RAPGEF1: variants seen among roughly 807,000 people sequenced by gnomAD.
RAPGEF1 encodes the protein Rap guanine nucleotide exchange factor 1.
Under a neutral mutation model 143.3 loss-of-function variants are expected in RAPGEF1, and 33 were observed. That is an observed-to-expected ratio of 0.23 (90% CI 0.17 to 0.31). The LOEUF (loss-of-function observed/expected upper bound fraction) is 0.31, where lower values mean the gene tolerates loss of function less well. RAPGEF1 is among the 10% of genes least tolerant of loss of function. RAPGEF1 has a pLI of 1.00. For missense variants in RAPGEF1, 1,199 were observed against 1,645.4 expected, an observed-to-expected ratio of 0.73 and a Z score of 4.69; for synonymous variants, 629 against 676.5, an observed-to-expected ratio of 0.93 and a Z score of 1.09.
chr9:131,679,166 A>AG (rs145083536), intron 1 of RAPGEF1, among the ~76,000 whole-genome samples: 13,808 of 142,234 alleles, frequency 0.097, 741 homozygotes, highest in Middle Eastern at 0.27. Flanking sequence ...TTATGTGACA[A>AG]GGGGGGGGCC....
intron 1 of RAPGEF1, among the ~76,000 whole-genome samples, chr9:131,730,329 T>C (rs1836963956): frequency 6.6e-6 from 1 of 151,184 alleles, no homozygotes; most frequent in African/African-American, 2.4e-5. Flanking sequence ...CCATTAAAAA[T>C]CATCAACAAA....
intron 1 of RAPGEF1, among the ~76,000 whole-genome samples, chr9:131,671,545 G>C (rs76830267): frequency 0.086 from 13,115 of 152,318 alleles, 657 homozygotes; most frequent in Middle Eastern, 0.27. Context: ...CTGGAATGCA[G>C]GCTCTGCACT....
At chr9:131,679,979 G>A (rs778889551) in intron 1 of RAPGEF1, among the ~76,000 whole-genome samples, 21 of 152,328 alleles carry the variant, frequency 1.4e-4, no homozygotes, top group Non-Finnish European at 2.6e-4. Flanking sequence ...ACTCCAGGAG[G>A]CAAGAATCCT....
Position 131,650,811 on chromosome 9 carries a change from T to C in RAPGEF1, c.200A>G (p.Lys67Arg), listed in dbSNP as rs1970888932. 1 of 1,613,690 alleles carries C rather than the reference T, an allele frequency of 6.2e-7. No individual in the cohort carries two copies. Among genetic ancestry groups the C allele is most frequent in the East Asian group, 2.2e-5 (1 of 44,880 alleles). The change falls in exon 2 of 27, where the codon AAA (lysine) becomes AGA (arginine). Residue 67 changes from lysine (K) to arginine (R), a missense_variant and splice_region_variant. By Grantham distance (26) the Lys-to-Arg change is conservative. Around this residue, in one of 6 missense-constraint regions of RAPGEF1, gnomAD observed 613 missense variants for 710.9 expected, o/e 0.86. Coordinates refer to ENST00000683357, the MANE Select transcript of RAPGEF1 (RefSeq NM_001377935.1). This position sits in a 1 kb window ranked among gnomAD's most constrained non-coding sequence, Gnocchi z 4.7. ...GAGAAACATCCAGAGTCAGCTTACT[T>C]TGTTCACAGGCTTCTCTGGAATCTT... ...SVKIPEKPVN[K>R]EATDRFLPEG...
intron 1 of RAPGEF1, among the ~76,000 whole-genome samples, chr9:131,661,210 G>A (rs1214423810): frequency 3.3e-5 from 5 of 152,168 alleles, no homozygotes; most frequent in Admixed American, 6.5e-5. Flanking sequence ...AGCAGTGCTC[G>A]GCGAATGCCT....
At chr9:131,663,654 T>C (rs762985973) in intron 1 of RAPGEF1, among the ~76,000 whole-genome samples, 1 of 152,206 alleles carries the variant, frequency 6.6e-6, no homozygotes, top group East Asian at 1.9e-4. Flanking sequence ...TTCCCTGTCA[T>C]GAGATTCGGG....
Position 131,587,760 on chromosome 9 carries a change from T to A in RAPGEF1, c.3209A>T (p.Glu1070Val). 6.2e-7 allele frequency: 1 copy of A among 1,613,694 alleles called. No homozygotes were observed. The highest frequency in any genetic ancestry group is 1.1e-5 in the South Asian group (1 of 90,986). The change falls in exon 22 of 27, where the codon GAG becomes GTG. Residue 1070 changes from glutamate (E) to valine (V), a missense_variant. This residue lies in a region of RAPGEF1 where 209 missense variants were observed against 403.0 expected (regional missense o/e 0.52). Coordinates refer to ENST00000683357, the MANE Select transcript of RAPGEF1 (RefSeq NM_001377935.1). ...EKSPNLTQFT[E>V]HFNNMSYWVR... Reference sequence around the variant, plus strand: ...CCAGTAGGACATGTTGTTGAAGTGCTCCGTGAACTGGGTCAAGTTGGGGCT... The same window carrying A: ...CCAGTAGGACATGTTGTTGAAGTGCACCGTGAACTGGGTCAAGTTGGGGCT...
chr9:131,735,453 C>G (rs564120803), intron 1 of RAPGEF1, among the ~76,000 whole-genome samples: 69 of 152,284 alleles, frequency 4.5e-4, no homozygotes, highest in Non-Finnish European at 8.1e-4. Flanking sequence ...TCCTGCTCAC[C>G]CTGTGACACA....
At chr9:131,625,286 G>GA in intron 10 of RAPGEF1, among the ~76,000 whole-genome samples, 1 of 152,218 alleles carries the variant, frequency 6.6e-6, no homozygotes, top group Non-Finnish European at 1.5e-5. Flanking sequence ...GGAGCTAGGA[G>GA]AAAACCGAAT....
At chr9:131,589,849 C>T in intron 19 of RAPGEF1, 37 bp downstream of exon 19, 1 of 1,578,510 alleles carries the variant, frequency 6.3e-7, no homozygotes, top group Non-Finnish European at 8.7e-7. Flanking sequence ...CTTTGCCTCC[C>T]CACTGGCCCC....
At chr9:131,615,346 T>C (rs939032772) in intron 12 of RAPGEF1, among the ~76,000 whole-genome samples, 1 of 152,218 alleles carries the variant, frequency 6.6e-6, no homozygotes, top group African/African-American at 2.4e-5. Context: ...AGTGCTGGGA[T>C]TGCAGGCGTG....
At chr9:131,723,222 T>A (rs12006114) in intron 1 of RAPGEF1, among the ~76,000 whole-genome samples, 42,220 of 152,102 alleles carry the variant, frequency 0.28, 6,375 homozygotes, top group Non-Finnish European at 0.34. Flanking sequence ...ATAAAAATTT[T>A]AAAAAGATAT....
At chr9:131,696,346 A>G (rs1423064816) in intron 1 of RAPGEF1, among the ~76,000 whole-genome samples, 2 of 152,238 alleles carry the variant, frequency 1.3e-5, no homozygotes, top group Non-Finnish European at 2.9e-5. Context: ...CCCAGAGCTA[A>G]CAAAAGGTTT....
chr9:131,669,315 C>T (rs962838750), intron 1 of RAPGEF1, among the ~76,000 whole-genome samples: 2 of 152,058 alleles, frequency 1.3e-5, no homozygotes, highest in African/African-American at 4.8e-5. Context: ...CAATCCCTAG[C>T]AGCTTGGGAC....
intron 1 of RAPGEF1, among the ~76,000 whole-genome samples, chr9:131,727,318 C>G (rs1214486499): frequency 6.6e-6 from 1 of 152,158 alleles, no homozygotes; most frequent in Non-Finnish European, 1.5e-5. Flanking sequence ...TACGGCTTGG[C>G]AGAAACATGT....
chr9:131,706,041 C>G (rs1303413623), intron 1 of RAPGEF1, among the ~76,000 whole-genome samples: 1 of 152,222 alleles, frequency 6.6e-6, no homozygotes, highest in Non-Finnish European at 1.5e-5. Flanking sequence ...GCTCCTAACA[C>G]AGGGGAATCC....
In RAPGEF1 at chr9:131,579,221, G is replaced by A; in HGVS notation, c.*276C>T. ...GAGGGGAGAGATGGAAGTAAAAGCA[G>A]AAAACAAAACCAAACCAGAAAACCA... On this transcript the variant is annotated 3_prime_UTR_variant, in exon 27 of 27. Transcript: ENST00000683357. 1 of 425,374 alleles carries A rather than the reference G, an allele frequency of 2.4e-6. No individual in the cohort carries two copies. The highest frequency in any genetic ancestry group is 4.3e-6 in the Non-Finnish European group (1 of 234,110). 26.3% of individuals were successfully genotyped at this position (425,374 alleles called of 1,614,324 possible).
intron 15 of RAPGEF1, among the ~76,000 whole-genome samples, chr9:131,600,426 T>C (rs1956077049): frequency 6.6e-6 from 1 of 152,150 alleles, no homozygotes; most frequent in African/African-American, 2.4e-5. Context: ...ACACCATTCC[T>C]GGCTTCACAC....
intron 1 of RAPGEF1, among the ~76,000 whole-genome samples, chr9:131,682,823 C>T (rs1833026942): frequency 6.6e-6 from 1 of 152,152 alleles, no homozygotes; most frequent in Non-Finnish European, 1.5e-5. Flanking sequence ...TTGGTAGATA[C>T]AGGAGTGGAC....
Sources: allele counts gnomAD v4.1 joint callset (sites outside exome capture counted in the v4.1 genomes callset), GRCh38; gene constraint gnomAD v4.1.1; regional missense constraint gnomAD v4.1.1; non-coding constraint Gnocchi (gnomAD v3.1); transcripts MANE v1.5; gene names NCBI Gene and HGNC (gene_info 2026-07-23, HGNC 2026-07-21).